The following KIRREL3 variants were observed in gnomAD, a reference collection of about 807,000 sequenced individuals.
KIRREL3 encodes the protein kirre like nephrin family adhesion molecule 3.
Under a neutral mutation model 89.7 loss-of-function variants are expected in KIRREL3, and 36 were observed. That is an observed-to-expected ratio of 0.40 (90% CI 0.31 to 0.53). KIRREL3 has a LOEUF of 0.53. KIRREL3 is among the 20% of genes least tolerant of loss of function. KIRREL3 has a pLI of 0.49. For missense variants in KIRREL3, 864 were observed against 1,056.6 expected (o/e 0.82, Z 2.53); for synonymous variants, 445 against 441.4 (o/e 1.01, Z -0.10).
chr11:126,442,284 C>CA (rs1238219191), intron 10 of KIRREL3, among the ~76,000 whole-genome samples: 1 of 80,514 alleles, frequency 1.2e-5, no homozygotes, highest in Admixed American at 1.7e-4. Flanking sequence ...AAAAAAAAAA[C>CA]AAAAAACCCA....
At chr11:126,554,747 C>T (rs1939572619) in intron 2 of KIRREL3, among the ~76,000 whole-genome samples, 2 of 152,150 alleles carry the variant, frequency 1.3e-5, no homozygotes, top group African/African-American at 4.8e-5. Context: ...ACCCTTAAGC[C>T]TGGAACTGCA....
At chr11:126,512,316 G>A (rs1218288925) in intron 4 of KIRREL3, among the ~76,000 whole-genome samples, 1 of 152,256 alleles carries the variant, frequency 6.6e-6, no homozygotes, top group Non-Finnish European at 1.5e-5. Context: ...GTACCTGCGT[G>A]CACCAGCGCA....
At chr11:126,670,870 A>G (rs1024390538) in intron 1 of KIRREL3, among the ~76,000 whole-genome samples, 2 of 152,240 alleles carry the variant, frequency 1.3e-5, no homozygotes, top group African/African-American at 4.8e-5. Flanking sequence ...AACAGTCACC[A>G]CAATACTAAA....
In KIRREL3 at chr11:126,872,613, C is replaced by A. The variant is rs965025086; in HGVS notation, c.55+127842G>T. On this transcript the variant is annotated intron_variant, in intron 1 of 16. Coordinates refer to ENST00000525144, the MANE Select transcript of KIRREL3 (RefSeq NM_032531.4). The surrounding 1 kb of genome is among the most constrained non-coding windows in gnomAD (Gnocchi z 4.2). ...ACAGCCCCTCTAAGGGACCTTAGGC[C>A]TTGTTATCTTTGAAAAAATGCTCCA... is the stretch of plus-strand genomic sequence containing the variant. Among the ~76,000 whole-genome samples, 1 of 152,190 alleles carries A rather than the reference C, an allele frequency of 6.6e-6. No individual in the cohort carries two copies. Among genetic ancestry groups the A allele is most frequent in the East Asian group, 1.9e-4 (1 of 5,196 alleles).
chr11:126,435,916 C>T (rs899059877), intron 12 of KIRREL3, among the ~76,000 whole-genome samples: 2 of 152,096 alleles, frequency 1.3e-5, no homozygotes, highest in African/African-American at 4.8e-5. Flanking sequence ...GAGCACGAAT[C>T]CCTGGTCCAC....
chr11:126,856,640 G>A (rs553601207), intron 1 of KIRREL3, among the ~76,000 whole-genome samples: 2 of 145,344 alleles, frequency 1.4e-5, no homozygotes, highest in African/African-American at 2.6e-5. Context: ...CTTTGAGACC[G>A]AGTCTCGCTC....
intron 1 of KIRREL3, among the ~76,000 whole-genome samples, chr11:126,895,657 G>C (rs1046903980): frequency 6.6e-6 from 1 of 152,054 alleles, no homozygotes; most frequent in Admixed American, 6.5e-5. Flanking sequence ...GACCCAGCAA[G>C]GGTAACCAGA....
intron 4 of KIRREL3, among the ~76,000 whole-genome samples, chr11:126,507,609 C>T (rs1377236109): frequency 6.6e-6 from 1 of 152,198 alleles, no homozygotes; most frequent in Non-Finnish European, 1.5e-5. Context: ...AATGTATATT[C>T]TCAGGGTCTA....
At chr11:126,699,295 C>T (rs1475247700) in intron 1 of KIRREL3, among the ~76,000 whole-genome samples, 2 of 152,208 alleles carry the variant, frequency 1.3e-5, no homozygotes, top group Non-Finnish European at 2.9e-5. Context: ...GCATCTTCCC[C>T]AGAATTGCTG....
rs1370871498 is a variant in KIRREL3 at position 126,923,131 on chromosome 11, CTTCTT to C, written c.55+77319_55+77323del. On this transcript the variant is annotated intron_variant, in intron 1 of 16. Coordinates refer to ENST00000525144, the MANE Select transcript of KIRREL3 (RefSeq NM_032531.4). Reference sequence around the variant, plus strand: ...TTCTCCTTCTCCTTCTCCTTCTTCTCTTCTTCTTCTTCTTCTTCTTCTTCTTCTTC... The same window carrying C: ...TTCTCCTTCTCCTTCTCCTTCTTCTCCTTCTTCTTCTTCTTCTTCTTCTTC... 6.6e-3 allele frequency among the ~76,000 whole-genome samples: 218 copies of C among 32,818 alleles called. 25 individuals carry two copies. Among genetic ancestry groups the C allele is most frequent in the Admixed American group, 8.3e-3 (27 of 3,270 alleles). 21.5% of individuals were successfully genotyped at this position (32,818 alleles called of 152,430 possible). A position where few individuals can be genotyped will look rare whatever the true frequency, so the allele number is the denominator to read the frequency against.
chr11:126,626,506 T>G (rs961502445), intron 1 of KIRREL3, among the ~76,000 whole-genome samples: 1 of 152,192 alleles, frequency 6.6e-6, no homozygotes, highest in Non-Finnish European at 1.5e-5. Context: ...TGCCAACCAT[T>G]AACTCTTTAG....
rs1029110905 is a variant in KIRREL3, at chr11:126,891,610, C to T, written c.55+108845G>A. Among the ~76,000 whole-genome samples the T allele has an allele frequency of 2.6e-5, 4 of 152,236 alleles. No homozygotes were observed. Among genetic ancestry groups the T allele is most frequent in the African/African-American group, 7.2e-5 (3 of 41,456 alleles). On this transcript the variant is annotated intron_variant, in intron 1 of 16. Transcript: ENST00000525144. This position sits in a 1 kb window ranked among gnomAD's most constrained non-coding sequence, Gnocchi z 5.1. The stretch of plus-strand genomic sequence containing the variant: ...ACTGTCAGGGAGCAAACGGCAGAAG[C>T]CAGTCTCAGGGAAGCCAGTGGCCTG...
intron 1 of KIRREL3, among the ~76,000 whole-genome samples, chr11:126,960,187 A>G (rs1591385713): frequency 1.3e-5 from 2 of 152,268 alleles, no homozygotes; most frequent in Admixed American, 1.3e-4. Context: ...AATAGAAGTC[A>G]ATTTGTTTGC....
Position 126,460,500 on chromosome 11 carries a change from G to A in KIRREL3, c.742+2657C>T, listed in dbSNP as rs553287322. ...GCAGAGAGTTCAAAGCAGGAAGAAT[G>A]CTGTGGCCTTCACCACTACCCAGTA... On this transcript the variant is annotated intron_variant, in intron 6 of 16. Coordinates refer to ENST00000525144, the MANE Select transcript of KIRREL3 (RefSeq NM_032531.4). Among the ~76,000 whole-genome samples the A allele has an allele frequency of 3.3e-5, 5 of 152,348 alleles. No homozygotes were observed. The South Asian group carries it at 1.0e-3, about 32-fold the overall frequency.
rs1189364984 is a variant in KIRREL3, at chr11:126,526,939, A to G, written c.134-252T>C. 6.6e-6 allele frequency among the ~76,000 whole-genome samples: 1 copy of G among 152,072 alleles called. No individual in the cohort carries two copies. Among genetic ancestry groups the G allele is most frequent in the Non-Finnish European group, 1.5e-5 (1 of 67,986 alleles). On this transcript the variant is annotated intron_variant, in intron 2 of 16. Transcript: ENST00000525144. The surrounding 1 kb of genome is among the most constrained non-coding windows in gnomAD (Gnocchi z 5.7). The stretch of plus-strand genomic sequence containing the variant: ...CCCTAACACATGGACTGGTCTAGCC[A>G]CACCCCAGCTCCCTATGGGCCATCT...
rs536992294 is a variant in KIRREL3 at position 126,676,561 on chromosome 11, C to G, written c.56-113649G>C. Among the ~76,000 whole-genome samples the G allele has an allele frequency of 6.6e-6, 1 of 152,034 alleles. No homozygotes were observed. The highest frequency in any genetic ancestry group is 1.5e-5 in the Non-Finnish European group (1 of 68,000). The stretch of plus-strand genomic sequence containing the variant: ...GAGATGCTGCGAGTCCTTTAAAGAA[C>G]CTCCCATAGCAGTCTGTGAATACGT... On this transcript the variant is annotated intron_variant, in intron 1 of 16. Coordinates refer to ENST00000525144, the MANE Select transcript of KIRREL3 (RefSeq NM_032531.4). This position sits in a 1 kb window ranked among gnomAD's most constrained non-coding sequence, Gnocchi z 4.5.
In KIRREL3 at chr11:126,733,046, T is replaced by C. The variant is rs567195265; in HGVS notation, c.56-170134A>G. On this transcript the variant is annotated intron_variant, in intron 1 of 16. Transcript: ENST00000525144. ...TGAGTCCTGGGGTTCTGAAGGCAGC[T>C]TGAGATATTTTGAGCATTTCACCTC... 9.9e-5 allele frequency among the ~76,000 whole-genome samples: 15 copies of C among 152,234 alleles called. No individual in the cohort carries two copies. The South Asian group carries it at 2.3e-3, about 23-fold the overall frequency.
intron 1 of KIRREL3, among the ~76,000 whole-genome samples, chr11:126,746,758 A>G (rs1243692273): frequency 6.6e-6 from 1 of 152,062 alleles, no homozygotes; most frequent in Non-Finnish European, 1.5e-5. Flanking sequence ...GTTATCTCTA[A>G]CCTGGAGTAT....
chr11:126,646,330 C>A (rs1383351834), intron 1 of KIRREL3, among the ~76,000 whole-genome samples: 1 of 150,456 alleles, frequency 6.6e-6, no homozygotes, highest in Non-Finnish European at 1.5e-5. Context: ...TGCCTTCCTG[C>A]ACTGGGTATC....
Sources: gnomAD v4.1 joint callset for allele counts (sites outside exome capture counted in the v4.1 genomes callset) on GRCh38, gnomAD v4.1.1 for gene constraint, Gnocchi (gnomAD v3.1) non-coding constraint, MANE v1.5 for transcripts, NCBI Gene and HGNC (gene_info 2026-07-23, HGNC 2026-07-21) for gene names.